Variants in NHSL1 observed in about 807,000 individuals in gnomAD.
NHSL1 encodes the protein NHS-like protein 1.
NHSL1 carries 48 observed loss-of-function variants against 95.0 expected under a neutral mutation model. The ratio of observed to expected loss-of-function variants is 0.51; its 90% CI spans 0.40 to 0.64. The LOEUF is 0.64. NHSL1 is among the 30% of genes least tolerant of loss of function. The pLI, the probability that NHSL1 is intolerant of heterozygous loss-of-function variation, is 0.00. For synonymous variants in NHSL1, 783 were observed against 833.9 expected (o/e 0.94, Z 1.05); for missense variants, 1,971 against 2,077.7 (o/e 0.95, Z 1.00).
intron 2 of NHSL1, among the ~76,000 whole-genome samples, chr6:138,481,274 G>A (rs1199675359): frequency 6.6e-6 from 1 of 152,034 alleles, no homozygotes; most frequent in African/African-American, 2.4e-5. Context: ...CCAAACCAAA[G>A]TGCATTTAAA....
chr6:138,460,079 C>T (rs938970397), intron 3 of NHSL1, among the ~76,000 whole-genome samples: 3 of 152,238 alleles, frequency 2.0e-5, no homozygotes, highest in East Asian at 3.9e-4. Context: ...TAAAAAGAAC[C>T]GCACTTTTTC....
intron 1 of NHSL1, among the ~76,000 whole-genome samples, chr6:138,603,850 G>C (rs538698767): frequency 7.8e-4 from 118 of 152,252 alleles, no homozygotes; most frequent in Middle Eastern, 6.8e-3. Context: ...TCACATACCT[G>C]TACCAACCAC....
At position 138,431,198 on chromosome 6, in the gene NHSL1, T is replaced by G; in HGVS notation, c.3147A>C (p.Gly1049=). 6.5e-7 allele frequency: 1 copy of G among 1,543,176 alleles called. No homozygotes were observed. Among genetic ancestry groups the G allele is most frequent in the Non-Finnish European group, 8.8e-7 (1 of 1,141,490 alleles). The part of the protein sequence containing the change: ...TNSGQPESSR[G]SLRPPSTKEE... ...CCTTGGTAGAAGGCGGCCTCAAGGA[T>G]CCCCGGGAGGATTCTGGCTGGCCAG... Residue 1049 remains glycine, a synonymous_variant, in exon 6 of 8, where the codon GGA becomes GGC. Transcript: ENST00000343505. The surrounding 1 kb of genome is among the most constrained non-coding windows in gnomAD (Gnocchi z 4.0).
In NHSL1 at chr6:138,594,385, G is replaced by A. The variant is rs187261719; in HGVS notation, c.97-98014C>T. 6.0e-3 allele frequency among the ~76,000 whole-genome samples: 916 copies of A among 152,116 alleles called. 4 individuals carry two copies. Among genetic ancestry groups the A allele is most frequent in the Non-Finnish European group, 0.011 (720 of 67,982 alleles). ...CTGCCAATAGGACTGCCAATTTCGC[G>A]GGGCTTCTGCAACTCCTCCCCGGCT... On this transcript the variant is annotated intron_variant, in intron 1 of 3. Coordinates refer to the NHSL1 transcript ENST00000491526.
chr6:138,539,133 TTG>T (rs1205032321), intron 1 of NHSL1, among the ~76,000 whole-genome samples: 3 of 152,204 alleles, frequency 2.0e-5, no homozygotes, highest in African/African-American at 7.2e-5. Flanking sequence ...ATCAAATAGT[TTG>T]TCATTCTGTT....
chr6:138,583,964 A>G (rs938682312), intron 1 of NHSL1, among the ~76,000 whole-genome samples: 4 of 152,136 alleles, frequency 2.6e-5, no homozygotes, highest in African/African-American at 9.7e-5. Flanking sequence ...TCTACAAAAA[A>G]TAAAATGAGC....
At chr6:138,524,682 G>A (rs1410934712) in intron 1 of NHSL1, among the ~76,000 whole-genome samples, 8 of 151,982 alleles carry the variant, frequency 5.3e-5, no homozygotes, top group Non-Finnish European at 7.4e-5. Flanking sequence ...TAAGTATCTC[G>A]TTATGGTGGG....
intron 1 of NHSL1, chr6:138,650,576 A>G (rs947159699): frequency 1.7e-6 from 1 of 592,790 alleles, no homozygotes; most frequent in Admixed American, 2.0e-5. Context: ...GGATTAATCC[A>G]ACAAATTCCA....
chr6:138,572,069 A>T, exon 1 of NHSL1: 1 of 599,172 alleles, frequency 1.7e-6, no homozygotes, highest in South Asian at 2.3e-5. Flanking sequence ...CTTCTGTGTC[A>T]CCCAATTAAA....
chr6:138,595,863 C>T (rs1784296605), intron 1 of NHSL1, among the ~76,000 whole-genome samples: 1 of 152,112 alleles, frequency 6.6e-6, no homozygotes, highest in South Asian at 2.1e-4. Context: ...CACCCTTGCA[C>T]CTATGTGCCA....
rs1298469335 is a variant in NHSL1 at position 138,692,123 on chromosome 6, G to A, written c.96+353C>T. The A allele has an allele frequency of 4.5e-6, 2 of 448,866 alleles. No individual in the cohort carries two copies. The highest frequency in any genetic ancestry group is 2.4e-5 in the Admixed American group (1 of 42,294). The allele number at this position is 448,866 out of a possible 1,614,324, so 27.8% of individuals were successfully genotyped here. A position where few individuals can be genotyped will look rare whatever the true frequency, so the allele number is the denominator to read the frequency against. ...CTTTTCCAACAGGCTACCTGCCTGT[G>A]ACAGTTTTCCCACGAACTTGGCTCT... On this transcript the variant is annotated intron_variant, in intron 1 of 3. Transcript: ENST00000491526. The surrounding 1 kb of genome is among the most constrained non-coding windows in gnomAD (Gnocchi z 4.0).
chr6:138,490,464 G>A (rs985779975), intron 2 of NHSL1, among the ~76,000 whole-genome samples: 2 of 152,072 alleles, frequency 1.3e-5, no homozygotes, highest in Admixed American at 1.3e-4. Flanking sequence ...TCAGAAGGAG[G>A]CCCACAATCT....
intron 1 of NHSL1, among the ~76,000 whole-genome samples, chr6:138,538,781 C>T (rs1782464978): frequency 1.3e-5 from 2 of 152,226 alleles, no homozygotes; most frequent in Admixed American, 1.3e-4. Flanking sequence ...ATGTTATCAT[C>T]TGACCTTTTG....
chr6:138,465,394 T>C (rs7738805), intron 3 of NHSL1, among the ~76,000 whole-genome samples: 46,345 of 152,006 alleles, frequency 0.3, 8,672 homozygotes, highest in African/African-American at 0.51. Flanking sequence ...CCTAACTAAC[T>C]CCCTTCCTCA....
At chr6:138,436,906 A>G (rs1156380099) in intron 5 of NHSL1, among the ~76,000 whole-genome samples, 1 of 152,204 alleles carries the variant, frequency 6.6e-6, no homozygotes, top group Non-Finnish European at 1.5e-5. Context: ...AGCTTACAGC[A>G]TGATTTACTG....
intron 1 of NHSL1, among the ~76,000 whole-genome samples, chr6:138,529,734 A>C (rs1344764055): frequency 6.6e-6 from 1 of 152,182 alleles, no homozygotes; most frequent in Non-Finnish European, 1.5e-5. Context: ...TCACCCACAG[A>C]ATCTCTCAAC....
intron 1 of NHSL1, among the ~76,000 whole-genome samples, chr6:138,532,838 A>G (rs1366319361): frequency 6.6e-6 from 1 of 152,142 alleles, no homozygotes; most frequent in African/African-American, 2.4e-5. Context: ...CGAATGTGTA[A>G]TCTAATAAGA....
intron 1 of NHSL1, among the ~76,000 whole-genome samples, chr6:138,558,748 C>CA (rs992882263): frequency 7.2e-5 from 11 of 151,750 alleles, no homozygotes; most frequent in East Asian, 3.9e-4. Flanking sequence ...GTAACTGTTT[C>CA]AAAAAAAACA....
chr6:138,431,757 G>T lies in NHSL1; in HGVS notation c.2588C>A (p.Thr863Asn). The change falls in exon 6 of 8, where the codon ACC becomes AAC. Residue 863 changes from threonine (T) to asparagine (N), a missense_variant. By Grantham distance (65) the Thr-to-Asn change is moderately conservative (BLOSUM62 0). Around this residue, in one of 3 missense-constraint regions of NHSL1, gnomAD observed 1,602 missense variants for 1,654.5 expected, o/e 0.97. Transcript: ENST00000343505. This position sits in a 1 kb window ranked among gnomAD's most constrained non-coding sequence, Gnocchi z 4.0. Reference sequence around the variant, plus strand: ...TGATTTTAAAAACACAGGCACAGGGGTGAGTGCTGTGGGTGTATTCGACTG... The same window carrying T: ...TGATTTTAAAAACACAGGCACAGGGTTGAGTGCTGTGGGTGTATTCGACTG... ...SSQSNTPTAL[T>N]PVPVFLKSVS... 1.3e-6 allele frequency: 2 copies of T among 1,551,602 alleles called. No individual in the cohort carries two copies. The highest frequency in any genetic ancestry group is 1.7e-6 in the Non-Finnish European group (2 of 1,146,850).
Sources: gnomAD v4.1 joint callset for allele counts (sites outside exome capture counted in the v4.1 genomes callset) on GRCh38, gnomAD v4.1.1 for gene constraint, gnomAD v4.1.1 regional missense constraint, Gnocchi (gnomAD v3.1) non-coding constraint, MANE v1.5 for transcripts, NCBI Gene and HGNC (gene_info 2026-07-23, HGNC 2026-07-21) for gene names.